The following ANO3 variants were observed in gnomAD, a reference collection of about 807,000 sequenced individuals.
ANO3 encodes anoctamin-3.
In ANO3, 99 loss-of-function variants were observed where a neutral mutation model predicts 144.8. The ratio of observed to expected loss-of-function variants is 0.68; its 90% CI spans 0.58 to 0.81. The LOEUF is 0.81. ANO3 is among the 30% of genes least tolerant of loss of function. The pLI is 0.00. For missense variants in ANO3, 905 were observed against 1,202.2 expected, an observed-to-expected ratio of 0.75 and a Z score of 3.66; for synonymous variants, 414 against 392.6, an observed-to-expected ratio of 1.05 and a Z score of -0.64.
intron 1 of ANO3, among the ~76,000 whole-genome samples, chr11:26,310,100 C>T (rs1854472525): frequency 6.6e-6 from 1 of 152,054 alleles, no homozygotes; most frequent in Non-Finnish European, 1.5e-5. Flanking sequence ...ACTTACATTA[C>T]ATACTTTTAA....
At chr11:26,217,230 T>C (rs919087935) in intron 1 of ANO3, among the ~76,000 whole-genome samples, 1 of 152,074 alleles carries the variant, frequency 6.6e-6, no homozygotes, top group African/African-American at 2.4e-5. Context: ...TTTGAATTAA[T>C]TTTTGAGACA....
At position 26,340,427 on chromosome 11, in the gene ANO3, C is replaced by G. The variant is rs115366068; in HGVS notation, c.46+8106C>G. Among the ~76,000 whole-genome samples, 1,173 of 152,264 alleles carry G rather than the reference C, an allele frequency of 7.7e-3. 19 individuals carry two copies. The highest frequency in any genetic ancestry group is 0.026 in the African/African-American group (1,086 of 41,540). On this transcript the variant is annotated intron_variant, in intron 1 of 26. Transcript: ENST00000256737. ...TTTACTGCAGCTCATTTTCTTACAT[C>G]TATATGATCTAGGTCTCCCAGTTTG...
At chr11:26,318,444 G>T (rs906262565) in intron 1 of ANO3, among the ~76,000 whole-genome samples, 1 of 152,146 alleles carries the variant, frequency 6.6e-6, no homozygotes, top group Non-Finnish European at 1.5e-5. Flanking sequence ...TAAGCATTAT[G>T]CTGTATAGAA....
intron 14 of ANO3, among the ~76,000 whole-genome samples, chr11:26,562,151 A>C (rs938544639): frequency 2.6e-5 from 4 of 151,954 alleles, no homozygotes; most frequent in Non-Finnish European, 5.9e-5. Flanking sequence ...CAAGATTCAA[A>C]GGTTAAAAAA....
At chr11:26,438,243 A>C (rs1426785208) in intron 1 of ANO3, among the ~76,000 whole-genome samples, 1 of 152,198 alleles carries the variant, frequency 6.6e-6, no homozygotes, top group East Asian at 1.9e-4. Flanking sequence ...TATATAAAGG[A>C]AAGTTTTTAA....
chr11:26,320,042 C>G (rs550321464), intron 1 of ANO3, among the ~76,000 whole-genome samples: 1 of 152,172 alleles, frequency 6.6e-6, no homozygotes, highest in African/African-American at 2.4e-5. Flanking sequence ...GTGTGGCAGA[C>G]AAATCAGAGC....
rs1025359299 is a variant in ANO3 at position 26,425,136 on chromosome 11, T to G, written c.47-16782T>G. Among the ~76,000 whole-genome samples, 6 of 151,342 alleles carry G rather than the reference T, an allele frequency of 4.0e-5. No individual in the cohort carries two copies. In the East Asian group the frequency reaches 1.2e-3, roughly 30 times the overall value. Reference sequence around the variant, plus strand: ...TACAGAAAGCTAAGAGACTGAGTACTTTTCTTCCAGTCAATTCTTCCTTTC... The same window carrying G: ...TACAGAAAGCTAAGAGACTGAGTACGTTTCTTCCAGTCAATTCTTCCTTTC... On this transcript the variant is annotated intron_variant, in intron 1 of 26. Coordinates refer to ENST00000256737, the MANE Select transcript of ANO3 (RefSeq NM_031418.4).
At chr11:26,645,656 T>G (rs16916026) in intron 23 of ANO3, among the ~76,000 whole-genome samples, 2,522 of 152,198 alleles carry the variant, frequency 0.017, 70 homozygotes, top group African/African-American at 0.057. Flanking sequence ...ATTTCATTAT[T>G]TAAACAATAT....
rs1203731879 is a variant in ANO3 at position 26,596,883 on chromosome 11, G to A, written c.1448-1482G>A. 5.3e-5 allele frequency among the ~76,000 whole-genome samples: 8 copies of A among 152,144 alleles called. No homozygotes were observed. The South Asian group carries it at 8.3e-4, about 16-fold the overall frequency. ...GGACGACAGCTTTCTGCCTCTAGCCGACCCTCGGCTTCCCTAGGAAAATTG... is the reference window on the plus strand; with the variant it reads ...GGACGACAGCTTTCTGCCTCTAGCCAACCCTCGGCTTCCCTAGGAAAATTG... On this transcript the variant is annotated intron_variant, in intron 14 of 26. Coordinates refer to ENST00000256737, the MANE Select transcript of ANO3 (RefSeq NM_031418.4).
At chr11:26,212,384 C>A (rs575283732) in intron 1 of ANO3, among the ~76,000 whole-genome samples, 2 of 146,422 alleles carry the variant, frequency 1.4e-5, no homozygotes, top group South Asian at 2.2e-4. Flanking sequence ...AAACAGACTG[C>A]GAGCCAGAAT....
At chr11:26,407,066 G>A (rs1247402922) in intron 1 of ANO3, among the ~76,000 whole-genome samples, 3,432 of 57,082 alleles carry the variant, frequency 0.06, 96 homozygotes, top group Middle Eastern at 0.17. Context: ...GTGTGTGTGT[G>A]TGTGTGTGTG....
upstream of ANO3, among the ~76,000 whole-genome samples, chr11:26,308,668 A>C (rs571678808): frequency 6.6e-6 from 1 of 152,334 alleles, no homozygotes; most frequent in East Asian, 1.9e-4. Context: ...GTACTTTGTC[A>C]AACATTTGGG....
intron 1 of ANO3, among the ~76,000 whole-genome samples, chr11:26,212,860 A>C (rs1027663361): frequency 2.0e-5 from 3 of 152,166 alleles, no homozygotes; most frequent in African/African-American, 4.8e-5. Flanking sequence ...ATCCCTGATG[A>C]ACATTAATGC....
chr11:26,509,103 C>A (rs868234931), intron 5 of ANO3, among the ~76,000 whole-genome samples: 99 of 118,214 alleles, frequency 8.4e-4, no homozygotes, highest in East Asian at 3.2e-3. Context: ...ATCTCTCTCT[C>A]TCTATATATA....
chr11:26,330,305 T>C (rs1235538245), upstream of ANO3, among the ~76,000 whole-genome samples: 1 of 152,176 alleles, frequency 6.6e-6, no homozygotes, highest in Non-Finnish European at 1.5e-5. Flanking sequence ...GCAAGTCATT[T>C]ATTCTTCTCG....
At chr11:26,568,640 A>G (rs986693319) in intron 14 of ANO3, among the ~76,000 whole-genome samples, 2 of 152,116 alleles carry the variant, frequency 1.3e-5, no homozygotes, top group African/African-American at 4.8e-5. Flanking sequence ...ATAACTGTCT[A>G]TTATGGTTTC....
chr11:26,525,605 T>C lies in ANO3; in HGVS notation c.693-30T>C, dbSNP rs758677432. 5 of 1,595,728 alleles carry C rather than the reference T, an allele frequency of 3.1e-6. No individual in the cohort carries two copies. The East Asian group carries it at 1.1e-4, about 36-fold the overall frequency. ...CGTATCACTTTATTTTCCTGTGGCT[T>C]TCCTTAGCTGTTTTCTATTATTTTT... On this transcript the variant is annotated intron_variant, in intron 6 of 26. Transcript: ENST00000256737.
chr11:26,659,422 A>G (rs1272374253), intron 26 of ANO3, among the ~76,000 whole-genome samples: 1 of 151,772 alleles, frequency 6.6e-6, no homozygotes, highest in Non-Finnish European at 1.5e-5. Flanking sequence ...GGCCAGGAGC[A>G]GTGTCTCCCA....
chr11:26,557,401 C>G (rs1850116661), intron 13 of ANO3, among the ~76,000 whole-genome samples: 2 of 148,388 alleles, frequency 1.3e-5, no homozygotes, highest in Admixed American at 6.8e-5. Context: ...ACAGAGCTTA[C>G]AGTGAGCCGA....
Sources: allele counts gnomAD v4.1 joint callset (sites outside exome capture counted in the v4.1 genomes callset), GRCh38; gene constraint gnomAD v4.1.1; transcripts MANE v1.5; gene names NCBI Gene and HGNC (gene_info 2026-07-23, HGNC 2026-07-21).